Variants in PRRC2C observed in about 807,000 individuals in gnomAD.
The protein encoded by PRRC2C is proline rich coiled-coil 2C.
PRRC2C carries 72 observed loss-of-function variants against 317.2 expected under a neutral mutation model. The ratio of observed to expected loss-of-function variants is 0.23; its 90% CI spans 0.19 to 0.28. The LOEUF is 0.28. Among genes scored for constraint, PRRC2C ranks in the 10% least tolerant of loss-of-function variants. The pLI, the probability that PRRC2C is intolerant of heterozygous loss-of-function variation, is 1.00. For missense variants in PRRC2C, 3,074 were observed against 3,459.7 expected, an observed-to-expected ratio of 0.89 and a Z score of 2.80; for synonymous variants, 1,296 against 1,205.9, an observed-to-expected ratio of 1.07 and a Z score of -1.55.
chr1:171,571,224 TA>T, intron 23 of PRRC2C, 95 bp from the exon 24 acceptor site: 1 of 611,686 alleles, frequency 1.6e-6, no homozygotes, highest in Non-Finnish European at 2.8e-6. Context: ...TGATGAAAAA[TA>T]AACACTACCC....
At chr1:171,493,676 C>T (rs1008238462) in intron 1 of PRRC2C, among the ~76,000 whole-genome samples, 2 of 152,016 alleles carry the variant, frequency 1.3e-5, no homozygotes, top group Non-Finnish European at 1.5e-5. Flanking sequence ...AAAAATTAGT[C>T]AGTTGTGGTG....
intron 18 of PRRC2C, among the ~76,000 whole-genome samples, chr1:171,552,889 A>G (rs1267070972): frequency 4.6e-5 from 7 of 152,180 alleles, no homozygotes; most frequent in Non-Finnish European, 8.8e-5. Context: ...GGATTTTTGC[A>G]TCAATGTTCA....
Position 171,591,886 on chromosome 1 carries a change from G to GCCCGCCCCCCCCCCCCCCCCCCCC in PRRC2C, c.*39_*40insCCCGCCCCCCCCCCCCCCCCCCCC. On this transcript the variant is annotated 3_prime_UTR_variant, in exon 35 of 35. Coordinates refer to ENST00000647382, the MANE Select transcript of PRRC2C (RefSeq NM_001387844.1). The stretch of plus-strand genomic sequence containing the variant: ...TTGCAGGGGATTGGGAGGGGGGCGG[G>GCCCGCCCCCCCCCCCCCCCCCCCC]AAAACATGGAGAATTAAGTCAGATA... 1 of 475,636 alleles carries GCCCGCCCCCCCCCCCCCCCCCCCC rather than the reference G, an allele frequency of 2.1e-6. No individual in the cohort carries two copies. Among genetic ancestry groups the GCCCGCCCCCCCCCCCCCCCCCCCC allele is most frequent in the Non-Finnish European group, 3.7e-6 (1 of 266,840 alleles). The allele number at this position is 475,636 out of a possible 1,614,324, so 29.5% of individuals were successfully genotyped here.
chr1:171,589,695 C>T (rs1177338275), intron 34 of PRRC2C, 90 bp downstream of exon 34: 6 of 905,476 alleles, frequency 6.6e-6, no homozygotes, highest in Middle Eastern at 4.0e-4. Flanking sequence ...TATATCCAGG[C>T]ATTCATTGTC....
Position 171,557,586 on chromosome 1 carries a change from C to T in PRRC2C, c.5474C>T (p.Thr1825Ile). ...GTCTCAGCTTCAGTTCCAGCCTCTA[C>T]TTCAGCTGCAGCTATAACCTCTTCT... ...ASVSASVPAS[T>I]SAAAITSSSA... The change falls in exon 19 of 35, where the codon ACT (threonine) becomes ATT (isoleucine). Residue 1825 changes from threonine to isoleucine, a missense_variant. Physicochemically the swap from Thr to Ile is moderately conservative, Grantham distance 89. Transcript: ENST00000647382. 6.4e-7 allele frequency: 1 copy of T among 1,551,614 alleles called. No individual in the cohort carries two copies. The highest frequency in any genetic ancestry group is 8.7e-7 in the Non-Finnish European group (1 of 1,146,990).
At chr1:171,539,088 G>A (rs534690108) in intron 15 of PRRC2C, among the ~76,000 whole-genome samples, 34 of 151,360 alleles carry the variant, frequency 2.2e-4, no homozygotes, top group Middle Eastern at 3.4e-3. Flanking sequence ...CGCAACCTCC[G>A]CCTCCCGGGT....
chr1:171,520,129 ATTC>A lies in PRRC2C; in HGVS notation c.751-2045_751-2043del, dbSNP rs201089514. 3.9e-3 allele frequency among the ~76,000 whole-genome samples: 587 copies of A among 152,196 alleles called. 3 individuals carry two copies. The highest frequency in any genetic ancestry group is 0.013 in the African/African-American group (536 of 41,530). ...AGGGGCACGCCATCACGCCCAGCTA[ATTC>A]TTGTATTTTTAGTAGAGACAGGGTT... On this transcript the variant is annotated intron_variant, in intron 6 of 34. Transcript: ENST00000647382.
chr1:171,577,006 C>T (rs553480063), intron 25 of PRRC2C, among the ~76,000 whole-genome samples: 38 of 152,196 alleles, frequency 2.5e-4, no homozygotes, highest in Non-Finnish European at 5.1e-4. Context: ...CTTTCAAGGC[C>T]CATGTATATT....
chr1:171,538,492 C>T (rs767887144), intron 15 of PRRC2C, among the ~76,000 whole-genome samples: 1 of 152,084 alleles, frequency 6.6e-6, no homozygotes, highest in Non-Finnish European at 1.5e-5. Flanking sequence ...AATTTATAGC[C>T]ATACAGTTGG....
In PRRC2C at chr1:171,550,005, T is replaced by A. The variant is rs538410082; in HGVS notation, c.4973-81T>A. 1.5e-5 allele frequency: 15 copies of A among 1,000,534 alleles called. No homozygotes were observed. The South Asian group carries it at 2.1e-4, about 14-fold the overall frequency. 62.0% of individuals were successfully genotyped at this position (1,000,534 alleles called of 1,614,324 possible). On this transcript the variant is annotated intron_variant, in intron 17 of 34. Coordinates refer to ENST00000647382, the MANE Select transcript of PRRC2C (RefSeq NM_001387844.1). ...CTTTGGCTAGTTTTTTTTTTTTTTTTAAGTACTACTGTACTAAACATTTTT... is the reference window on the plus strand; with the variant it reads ...CTTTGGCTAGTTTTTTTTTTTTTTTAAAGTACTACTGTACTAAACATTTTT...
At position 171,541,671 on chromosome 1, in the gene PRRC2C, T is replaced by C; in HGVS notation, c.4205T>C (p.Ile1402Thr). ...AGAAGACATGAGCAGTTTATTCCTA[T>C]AGCAGCAGATAAACGACCTCCAAAA... ...PPRRHEQFIP[I>T]AADKRPPKFE... Residue 1402 changes from isoleucine (I) to threonine (T), a missense_variant, in exon 16 of 35, where the codon ATA becomes ACA. Ile to Thr is a moderately conservative substitution (Grantham distance 89, BLOSUM62 -1). Transcript: ENST00000647382. This position sits in a 1 kb window ranked among gnomAD's most constrained non-coding sequence, Gnocchi z 4.1. 1 of 1,613,834 alleles carries C rather than the reference T, an allele frequency of 6.2e-7. No homozygotes were observed.
At chr1:171,508,465 A>C (rs540406159) in intron 1 of PRRC2C, among the ~76,000 whole-genome samples, 1 of 152,334 alleles carries the variant, frequency 6.6e-6, no homozygotes, top group African/African-American at 2.4e-5. Context: ...TATTAAACCA[A>C]TCTTGCATTC....
intron 15 of PRRC2C, 65 bp downstream of exon 15, chr1:171,537,538 G>GT: frequency 1.5e-6 from 2 of 1,370,368 alleles, no homozygotes; most frequent in Non-Finnish European, 2.0e-6. Context: ...ACTGTGTAGT[G>GT]TTTCTGAAGA....
intron 1 of PRRC2C, among the ~76,000 whole-genome samples, chr1:171,495,230 G>T (rs1283819199): frequency 6.6e-6 from 1 of 152,168 alleles, no homozygotes; most frequent in Non-Finnish European, 1.5e-5. Flanking sequence ...CACACTACTA[G>T]CTGTCACAGC....
At chr1:171,553,265 T>C (rs1390062300) in intron 18 of PRRC2C, among the ~76,000 whole-genome samples, 3 of 152,170 alleles carry the variant, frequency 2.0e-5, no homozygotes, top group Non-Finnish European at 2.9e-5. Context: ...GTTTGTAGTA[T>C]TCTGTGATGG....
Position 171,553,399 on chromosome 1 carries a change from T to G in PRRC2C, c.5127+3159T>G, listed in dbSNP as rs1044737787. 1.2e-4 allele frequency among the ~76,000 whole-genome samples: 19 copies of G among 152,276 alleles called. No individual in the cohort carries two copies. The South Asian group carries it at 1.7e-3, about 13-fold the overall frequency. ...AGCGGTCTGTCAATTTTATTGATCT[T>G]TTCAAAAAACCAGCTCCTAGATTCA... On this transcript the variant is annotated intron_variant, in intron 18 of 34. Coordinates refer to ENST00000647382, the MANE Select transcript of PRRC2C (RefSeq NM_001387844.1).
chr1:171,587,142 G>C lies in PRRC2C; in HGVS notation c.7889G>C (p.Arg2630Pro). 1 of 1,610,926 alleles carries C rather than the reference G, an allele frequency of 6.2e-7. No homozygotes were observed. The highest frequency in any genetic ancestry group is 1.1e-5 in the South Asian group (1 of 90,110). ...CAAGCACAGGCTCAGAGTCTGAGTC[G>C]TCCTGCACAAGTAAGCCAGCCTTTC... The part of the protein sequence containing the change: ...TPQAQAQSLS[R>P]PAQVSQPFRG... Residue 2630 changes from arginine (R) to proline (P), a missense_variant, in exon 31 of 35, where the codon CGT (arginine) becomes CCT (proline). Arg to Pro is a moderately radical substitution (Grantham distance 103, BLOSUM62 -2). This residue lies in a region of PRRC2C where 490 missense variants were observed against 663.1 expected (regional missense o/e 0.74). Coordinates refer to ENST00000647382, the MANE Select transcript of PRRC2C (RefSeq NM_001387844.1).
rs61220175 is a variant in PRRC2C, at chr1:171,520,797, C to CTTTTT, written c.751-1362_751-1358dup. Among the ~76,000 whole-genome samples, 8 of 109,314 alleles carry CTTTTT rather than the reference C, an allele frequency of 7.3e-5. 1 individual carries two copies. The highest frequency in any genetic ancestry group is 7.0e-5 in the Non-Finnish European group (4 of 56,754). 71.7% of individuals were successfully genotyped at this position (109,314 alleles called of 152,430 possible). ...CCTGACTTAAGAGAAATTTCTTCTCCTTTTTTTTTTTTTTTTTTTTTTAAT... is the reference window on the plus strand; with the variant it reads ...CCTGACTTAAGAGAAATTTCTTCTCCTTTTTTTTTTTTTTTTTTTTTTTTTTTAAT... On this transcript the variant is annotated intron_variant, in intron 6 of 34. Coordinates refer to ENST00000647382, the MANE Select transcript of PRRC2C (RefSeq NM_001387844.1).
intron 1 of PRRC2C, among the ~76,000 whole-genome samples, chr1:171,493,443 T>C (rs951796938): frequency 6.6e-6 from 1 of 152,132 alleles, no homozygotes; most frequent in South Asian, 2.1e-4. Context: ...GGTTGCAAAG[T>C]GATGGCACTG....
Sources: allele counts gnomAD v4.1 joint callset (sites outside exome capture counted in the v4.1 genomes callset), GRCh38; gene constraint gnomAD v4.1.1; regional missense constraint gnomAD v4.1.1; non-coding constraint Gnocchi (gnomAD v3.1); transcripts MANE v1.5; gene names NCBI Gene and HGNC (gene_info 2026-07-23, HGNC 2026-07-21).